The following MAP7 variants were observed in gnomAD, a reference collection of about 807,000 sequenced individuals.
MAP7 encodes microtubule associated protein 7, also known as ensconsin.
A neutral mutation model predicts 94.8 loss-of-function variants in MAP7; 52 were observed. The ratio of observed to expected loss-of-function variants is 0.55; its 90% CI spans 0.44 to 0.69. MAP7 has a LOEUF of 0.69. Ranked by LOEUF, MAP7 falls within the 30% of genes least tolerant of loss-of-function variation. The pLI, the probability that MAP7 is intolerant of heterozygous loss-of-function variation, is 0.00. For synonymous variants in MAP7, 350 were observed against 357.0 expected (o/e 0.98, Z 0.22); for missense variants, 940 against 964.6 (o/e 0.97, Z 0.34).
intron 1 of MAP7, among the ~76,000 whole-genome samples, chr6:136,456,729 A>G (rs1471827391): frequency 6.9e-6 from 1 of 144,222 alleles, no homozygotes; most frequent in South Asian, 2.2e-4. Context: ...GAAAGAAGAG[A>G]AGAAGGAAGA....
chr6:136,451,897 A>T (rs75580809), intron 1 of MAP7, among the ~76,000 whole-genome samples: 1,654 of 152,276 alleles, frequency 0.011, 21 homozygotes, highest in Non-Finnish European at 0.016. Context: ...CTGCAATCTC[A>T]TGATAAAATG....
rs758146716 is a variant in MAP7, at chr6:136,362,502, C to G, written c.1474G>C (p.Glu492Gln). 4.3e-6 allele frequency: 7 copies of G among 1,614,204 alleles called. No homozygotes were observed. The Admixed American group carries it at 5.0e-5, about 12-fold the overall frequency. Residue 492 changes from glutamate to glutamine, a missense_variant, in exon 11 of 18, where the codon GAG becomes CAG. Physicochemically the swap from Glu to Gln is conservative, Grantham distance 29. Transcript: ENST00000354570. ...TCCCTTTCTTCCTTTTCTCTCTGCT[C>G]TCGGGCCAGCCGCCTCTTCTCAGCT... is the stretch of plus-strand genomic sequence containing the variant. ...LLAEKRRLAR[E>Q]QREKEERERR...
chr6:136,550,416 C>T lies in MAP7; in HGVS notation c.-8G>A, dbSNP rs758260564. The T allele has an allele frequency of 2.0e-6, 3 of 1,515,752 alleles. No individual in the cohort carries two copies. The highest frequency in any genetic ancestry group is 1.8e-6 in the Non-Finnish European group (2 of 1,138,944). 93.9% of individuals were successfully genotyped at this position (1,515,752 alleles called of 1,614,324 possible). ...AGCTCCTAGCTCCGCCATGGTGCTC[C>T]GATGACGCGCCCGGAGAGCCGCTCC... is the stretch of plus-strand genomic sequence containing the variant. On this transcript the variant is annotated 5_prime_UTR_variant, in exon 1 of 18. Transcript: ENST00000354570. This position sits in a 1 kb window ranked among gnomAD's most constrained non-coding sequence, Gnocchi z 5.1.
intron 10 of MAP7, among the ~76,000 whole-genome samples, chr6:136,363,899 A>C (rs1793540816): frequency 6.6e-6 from 1 of 152,242 alleles, no homozygotes; most frequent in Non-Finnish European, 1.5e-5. Flanking sequence ...CAGAGTCCTC[A>C]TATCCACCAC....
chr6:136,377,607 T>C, intron 7 of MAP7, 148 bp downstream of exon 7: 1 of 601,202 alleles, frequency 1.7e-6, no homozygotes. Context: ...GAGGAAACAA[T>C]GACAGGGGTA....
intron 1 of MAP7, among the ~76,000 whole-genome samples, chr6:136,529,104 A>G (rs1392416257): frequency 6.6e-6 from 1 of 152,126 alleles, no homozygotes; most frequent in Non-Finnish European, 1.5e-5. Context: ...CCGCCAAAGT[A>G]AAATAAACAC....
At chr6:136,474,835 C>A (rs1170229473) in intron 1 of MAP7, among the ~76,000 whole-genome samples, 1 of 151,906 alleles carries the variant, frequency 6.6e-6, no homozygotes, top group African/African-American at 2.4e-5. Context: ...CCCACCTCAG[C>A]CTCCCAAGTA....
At chr6:136,421,368 T>A (rs534149833) in intron 2 of MAP7, among the ~76,000 whole-genome samples, 1 of 152,222 alleles carries the variant, frequency 6.6e-6, no homozygotes, top group Non-Finnish European at 1.5e-5. Flanking sequence ...AGTAAAATTA[T>A]TACCCCTTTA....
chr6:136,438,396 G>C (rs899563184), intron 1 of MAP7, among the ~76,000 whole-genome samples: 21 of 152,192 alleles, frequency 1.4e-4, no homozygotes, highest in African/African-American at 5.1e-4. Flanking sequence ...GAATTTGCTT[G>C]GTTTTCATTC....
At chr6:136,526,527 C>G in intron 1 of MAP7, 1 of 985,542 alleles carries the variant, frequency 1.0e-6, no homozygotes, top group South Asian at 4.7e-5. Flanking sequence ...AAGAAGGGCC[C>G]AGAGCGGCTC....
intron 1 of MAP7, among the ~76,000 whole-genome samples, chr6:136,533,734 C>T (rs569350087): frequency 5.3e-5 from 8 of 152,236 alleles, no homozygotes; most frequent in South Asian, 2.1e-4. Flanking sequence ...AGAGAGATAT[C>T]GGGCTCTTTT....
In MAP7 at chr6:136,362,637, G is replaced by GGGCTGGAGCTGGGGCCGA. The variant is rs780805556; in HGVS notation, c.1321_1338dup (p.Ser441_Ala446dup). 13 of 1,611,328 alleles carry GGGCTGGAGCTGGGGCCGA rather than the reference G, an allele frequency of 8.1e-6. No individual in the cohort carries two copies. In the East Asian group the frequency reaches 1.3e-4, roughly 17 times the overall value. On this transcript the variant is annotated inframe_insertion, in exon 11 of 18. Transcript: ENST00000354570. Reference sequence around the variant, plus strand: ...GAGACCATGGCTGGGGTGGGGACCGGGGCTGGAGCTGGGGCCGAGGCTGGA... The same window carrying GGGCTGGAGCTGGGGCCGA: ...GAGACCATGGCTGGGGTGGGGACCGGGGCTGGAGCTGGGGCCGAGGCTGGAGCTGGGGCCGAGGCTGGA...
intron 11 of MAP7, 103 bp downstream of exon 11, chr6:136,362,347 C>G: frequency 7.2e-7 from 1 of 1,387,708 alleles, no homozygotes; most frequent in African/African-American, 1.4e-5. Context: ...AGAACTAATC[C>G]ATTCACTTTC....
intron 6 of MAP7, 27 bp downstream of exon 6, chr6:136,383,644 A>C: frequency 8.0e-7 from 1 of 1,251,216 alleles, no homozygotes; most frequent in Non-Finnish European, 1.1e-6. Context: ...AATAACAGAC[A>C]CTTTTTTGTT....
intron 1 of MAP7, among the ~76,000 whole-genome samples, chr6:136,523,333 C>T (rs1416723455): frequency 4.6e-5 from 7 of 152,162 alleles, no homozygotes; most frequent in Non-Finnish European, 8.8e-5. Flanking sequence ...AAATTCAGAA[C>T]GTAACAATGC....
chr6:136,389,098 G>A (rs1342654642), intron 4 of MAP7, among the ~76,000 whole-genome samples: 1 of 152,188 alleles, frequency 6.6e-6, no homozygotes, highest in Non-Finnish European at 1.5e-5. Context: ...ACTCAGTACA[G>A]ATGAATTGCA....
rs60134171 is a variant in MAP7 at position 136,549,817 on chromosome 6, T to TGG, written c.67+523_67+524dup. On this transcript the variant is annotated intron_variant, in intron 1 of 17. Coordinates refer to ENST00000354570, the MANE Select transcript of MAP7 (RefSeq NM_003980.6). The stretch of plus-strand genomic sequence containing the variant: ...GTCGTCGCCACTGCGGGCACCAGAT[T>TGG]GGGGGGCGGGCCGCTCACCCCGCGG... Among the ~76,000 whole-genome samples, 734 of 152,142 alleles carry TGG rather than the reference T, an allele frequency of 4.8e-3. 4 individuals are homozygous for TGG. The highest frequency in any genetic ancestry group is 0.038 in the East Asian group (198 of 5,144).
intron 1 of MAP7, among the ~76,000 whole-genome samples, chr6:136,446,333 T>C (rs1799345041): frequency 6.6e-6 from 1 of 150,576 alleles, no homozygotes; most frequent in African/African-American, 2.4e-5. Context: ...CAGAGGTGGA[T>C]AGGGTACAGC....
At chr6:136,445,387 C>A (rs996226930) in intron 1 of MAP7, among the ~76,000 whole-genome samples, 33 of 152,172 alleles carry the variant, frequency 2.2e-4, no homozygotes, top group African/African-American at 7.7e-4. Flanking sequence ...ATTTACTGTC[C>A]CTAGCCCAGA....
Sources: gnomAD v4.1 joint callset for allele counts (sites outside exome capture counted in the v4.1 genomes callset) on GRCh38, gnomAD v4.1.1 for gene constraint, Gnocchi (gnomAD v3.1) non-coding constraint, MANE v1.5 for transcripts, NCBI Gene and HGNC (gene_info 2026-07-23, HGNC 2026-07-21) for gene names.